TGIF2: variants seen among roughly 807,000 people sequenced by gnomAD.
TGIF2 encodes the protein homeobox protein TGIF2.
In TGIF2, 5 loss-of-function variants were observed where a neutral mutation model predicts 15.1. The ratio of observed to expected loss-of-function variants is 0.33; its 90% CI spans 0.17 to 0.70. The LOEUF is 0.70. TGIF2 is among the 30% of genes least tolerant of loss of function. The pLI, the probability that TGIF2 is intolerant of heterozygous loss-of-function variation, is 0.67. For missense variants in TGIF2, 264 were observed against 302.5 expected (o/e 0.87, Z 0.94); for synonymous variants, 131 against 128.9 (o/e 1.02, Z -0.11).
At chr20:36,586,240 G>A (rs188236278) in intron 2 of TGIF2, among the ~76,000 whole-genome samples, 7 of 152,246 alleles carry the variant, frequency 4.6e-5, no homozygotes. Flanking sequence ...TTAAATAAAG[G>A]GCTTGGCCTG....
At position 36,591,865 on chromosome 20, in the gene TGIF2, G is replaced by A. The variant is rs951106370; in HGVS notation, c.*434G>A. 1 of 158,316 alleles carries A rather than the reference G, an allele frequency of 6.3e-6. No homozygotes were observed. The highest frequency in any genetic ancestry group is 2.4e-5 in the African/African-American group (1 of 41,552). 9.8% of individuals were successfully genotyped at this position (158,316 alleles called of 1,614,324 possible). Reference sequence around the variant, plus strand: ...GTTCATATGCGTGAACAAAAGAAAAGAGGAACCCAGTGGATGTAACAGAAC... The same window carrying A: ...GTTCATATGCGTGAACAAAAGAAAAAAGGAACCCAGTGGATGTAACAGAAC... On this transcript the variant is annotated 3_prime_UTR_variant, in exon 3 of 3. Coordinates refer to ENST00000373872, the MANE Select transcript of TGIF2 (RefSeq NM_021809.7). This position sits in a 1 kb window ranked among gnomAD's most constrained non-coding sequence, Gnocchi z 5.3.
intron 1 of TGIF2, among the ~76,000 whole-genome samples, chr20:36,576,477 T>TC (rs2038431328): frequency 1.3e-5 from 2 of 152,112 alleles, no homozygotes; most frequent in Non-Finnish European, 2.9e-5. Context: ...TCCAGAGTTC[T>TC]CACTGGCCCT....
chr20:36,578,222 G>A (rs2038471140), intron 1 of TGIF2, among the ~76,000 whole-genome samples: 1 of 151,970 alleles, frequency 6.6e-6, no homozygotes, highest in African/African-American at 2.4e-5. Flanking sequence ...GACCAGCCTG[G>A]CCAATATGGT....
intron 2 of TGIF2, among the ~76,000 whole-genome samples, chr20:36,588,234 C>A (rs1173997440): frequency 6.6e-6 from 1 of 152,028 alleles, no homozygotes; most frequent in Non-Finnish European, 1.5e-5. Context: ...CCTCTACCCT[C>A]CAGGCTTGTA....
chr20:36,582,492 C>T (rs1386156358), intron 2 of TGIF2, among the ~76,000 whole-genome samples: 2 of 152,194 alleles, frequency 1.3e-5, no homozygotes, highest in Non-Finnish European at 2.9e-5. Context: ...TTGCTGACTG[C>T]ACTGCAGGAT....
rs1301639763 is a variant in TGIF2 at position 36,593,066 on chromosome 20, T to C, written c.*1635T>C. ...CGTGAGCCACCACGCCCAGCCTCTT[T>C]TGCTGTTTCATTGCTGACAGTGTTC... On this transcript the variant is annotated 3_prime_UTR_variant, in exon 3 of 3. Transcript: ENST00000373872. 2.0e-5 allele frequency: 3 copies of C among 152,576 alleles called. No homozygotes were observed. The highest frequency in any genetic ancestry group is 2.0e-4 in the Admixed American group (3 of 15,272). The allele number at this position is 152,576 out of a possible 1,614,324, so 9.5% of individuals were successfully genotyped here.
chr20:36,578,627 T>G, intron 1 of TGIF2, 114 bp from the exon 2 acceptor site: 1 of 1,196,138 alleles, frequency 8.4e-7, no homozygotes, highest in Non-Finnish European at 1.1e-6. Flanking sequence ...GATTCTGAAT[T>G]GCAACTACCC....
intron 2 of TGIF2, among the ~76,000 whole-genome samples, chr20:36,579,509 G>T (rs1295235331): frequency 1.3e-5 from 2 of 152,166 alleles, no homozygotes; most frequent in African/African-American, 4.8e-5. Flanking sequence ...GGAATTTAAT[G>T]TTGTCAAAGT....
rs1328997563 is a variant in TGIF2, at chr20:36,578,722, CCT to C, written c.-34-18_-34-17del. ...GTACGTGCTAATGATGTTCCCATCC[CCT>C]GTGTCCCTTGTCCCAGGTTTACCCA... On this transcript the variant is annotated splice_polypyrimidine_tract_variant and intron_variant, in intron 1 of 2. Coordinates refer to ENST00000373872, the MANE Select transcript of TGIF2 (RefSeq NM_021809.7). 23 of 1,559,878 alleles carry C rather than the reference CCT, an allele frequency of 1.5e-5. No homozygotes were observed. Among genetic ancestry groups the C allele is most frequent in the African/African-American group, 2.7e-5 (2 of 73,598 alleles).
upstream of TGIF2, chr20:36,573,516 C>A (rs979155733): frequency 1.6e-4 from 24 of 151,458 alleles, no homozygotes; most frequent in African/African-American, 4.8e-4. Flanking sequence ...TCGTCGCGCT[C>A]CGCACAAAGT....
intron 2 of TGIF2, among the ~76,000 whole-genome samples, chr20:36,586,701 CCCA>C (rs35893501): frequency 0.03 from 4,474 of 148,214 alleles, 264 homozygotes; most frequent in African/African-American, 0.1. Context: ...TTTCCCCCCC[CCCA>C]AAAAAAAAAA....
rs965277696 is a variant in TGIF2, at chr20:36,583,246, C to A, written c.192+4280C>A. 2.6e-5 allele frequency among the ~76,000 whole-genome samples: 4 copies of A among 151,608 alleles called. No homozygotes were observed. In the South Asian group the frequency reaches 8.3e-4, roughly 32 times the overall value. On this transcript the variant is annotated intron_variant, in intron 2 of 2. Transcript: ENST00000373872. ...GTGAGATCGCACCACTGCACTCCAG[C>A]CTGGGCAACAGCAAAACTGTCTCAA...
intron 2 of TGIF2, among the ~76,000 whole-genome samples, chr20:36,579,891 G>A (rs1384490908): frequency 6.6e-6 from 1 of 152,108 alleles, no homozygotes; most frequent in African/African-American, 2.4e-5. Context: ...CTTTTTGTCA[G>A]AGTGCAAAGT....
chr20:36,586,671 G>C (rs1254278750), intron 2 of TGIF2, among the ~76,000 whole-genome samples: 1 of 151,160 alleles, frequency 6.6e-6, no homozygotes, highest in African/African-American at 2.4e-5. Flanking sequence ...CTCCAGCCTG[G>C]GCAAAGAAGT....
At chr20:36,584,010 T>A (rs2038600697) in intron 2 of TGIF2, among the ~76,000 whole-genome samples, 1 of 151,994 alleles carries the variant, frequency 6.6e-6, no homozygotes, top group Admixed American at 6.6e-5. Context: ...GAGGTTGTAG[T>A]GAGTTGTGAT....
At chr20:36,575,474 A>G (rs2147918297) in intron 1 of TGIF2, among the ~76,000 whole-genome samples, 1 of 152,316 alleles carries the variant, frequency 6.6e-6, no homozygotes, top group African/African-American at 2.4e-5. Context: ...CCAGGGCTGC[A>G]TCACTGAGCC....
At chr20:36,587,673 C>G (rs577158704) in intron 2 of TGIF2, among the ~76,000 whole-genome samples, 1 of 152,146 alleles carries the variant, frequency 6.6e-6, no homozygotes, top group Non-Finnish European at 1.5e-5. Context: ...TGACCTTCAA[C>G]AAGTTTCTGA....
chr20:36,579,266 G>T (rs2038496434), intron 2 of TGIF2, among the ~76,000 whole-genome samples: 1 of 152,140 alleles, frequency 6.6e-6, no homozygotes, highest in Admixed American at 6.5e-5. Flanking sequence ...CCGCCTCCCG[G>T]GTTCGAGTGA....
At chr20:36,587,194 C>G (rs1375072119) in intron 2 of TGIF2, among the ~76,000 whole-genome samples, 6 of 152,216 alleles carry the variant, frequency 3.9e-5, no homozygotes, top group Non-Finnish European at 8.8e-5. Context: ...GTTGCCTTGC[C>G]CAGCCCCTCA....
Sources: allele counts gnomAD v4.1 joint callset (sites outside exome capture counted in the v4.1 genomes callset), GRCh38; gene constraint gnomAD v4.1.1; non-coding constraint Gnocchi (gnomAD v3.1); transcripts MANE v1.5; gene names NCBI Gene and HGNC (gene_info 2026-07-23, HGNC 2026-07-21).